DCAF6: variants seen among roughly 807,000 people sequenced by gnomAD.
DCAF6 encodes DDB1 and CUL4 associated factor 6.
DCAF6 carries 54 observed loss-of-function variants against 125.1 expected under a neutral mutation model. That is an observed-to-expected ratio of 0.43 (90% confidence interval 0.35 to 0.54). The LOEUF (loss-of-function observed/expected upper bound fraction) is 0.54, where lower values mean the gene tolerates loss of function less well. Among genes scored for constraint, DCAF6 ranks in the 20% least tolerant of loss-of-function variants. DCAF6 has a pLI of 0.01. For synonymous variants in DCAF6, 371 were observed against 390.4 expected (o/e 0.95, Z 0.58); for missense variants, 934 against 1,161.7 (o/e 0.80, Z 2.85).
intron 17 of DCAF6, among the ~76,000 whole-genome samples, chr1:168,061,034 CAT>C (rs1324850565): frequency 1.3e-5 from 2 of 152,180 alleles, no homozygotes; most frequent in Non-Finnish European, 2.9e-5. Context: ...TTGCTAATCA[CAT>C]GTTTGTAACT....
At chr1:167,874,654 G>T in the DCAF6 span, among the ~76,000 whole-genome samples, 20 of 152,250 alleles carry the variant, frequency 1.3e-4, no homozygotes, top group African/African-American at 4.6e-4. Context: ...TTCACCAAAA[G>T]ACTTGTGTAA....
intron 12 of DCAF6, among the ~76,000 whole-genome samples, chr1:168,030,254 A>AGG (rs1686899256): frequency 6.6e-6 from 1 of 152,222 alleles, no homozygotes; most frequent in East Asian, 1.9e-4. Context: ...AGGAAGAGAC[A>AGG]TTAAGCTGAG....
chr1:167,893,063 A>G, the DCAF6 span, among the ~76,000 whole-genome samples: 2 of 152,228 alleles, frequency 1.3e-5, no homozygotes, highest in Non-Finnish European at 2.9e-5. Flanking sequence ...TTCACATGGA[A>G]TAATAAATTT....
chr1:167,906,577 C>T, the DCAF6 span, among the ~76,000 whole-genome samples: 72 of 149,672 alleles, frequency 4.8e-4, no homozygotes, highest in Middle Eastern at 3.4e-3. Flanking sequence ...TGCTTGAGCC[C>T]GAGTTCGAGA....
the DCAF6 span, among the ~76,000 whole-genome samples, chr1:167,872,188 A>G: frequency 1.3e-5 from 2 of 152,062 alleles, no homozygotes; most frequent in Non-Finnish European, 2.9e-5. Context: ...AAAATACAAA[A>G]TTAGCCGGGC....
chr1:168,018,368 G>T (rs1401086923), intron 11 of DCAF6, among the ~76,000 whole-genome samples: 1 of 152,150 alleles, frequency 6.6e-6, no homozygotes, highest in Non-Finnish European at 1.5e-5. Flanking sequence ...TTAAACAGTG[G>T]TTTTTTATTT....
At chr1:168,066,533 A>G in intron 20 of DCAF6, 68 bp downstream of exon 20, 1 of 1,130,902 alleles carries the variant, frequency 8.8e-7, no homozygotes, top group African/African-American at 1.6e-5. Flanking sequence ...CCCTAAGAAA[A>G]ATTAAAAGTT....
chr1:167,896,567 A>G, the DCAF6 span: 1 of 1,559,232 alleles, frequency 6.4e-7, no homozygotes, highest in Non-Finnish European at 8.8e-7. Flanking sequence ...GGTAGAGGCA[A>G]AGGCATTTTT....
At chr1:167,997,443 G>A (rs908210695) in intron 7 of DCAF6, among the ~76,000 whole-genome samples, 1 of 152,136 alleles carries the variant, frequency 6.6e-6, no homozygotes, top group African/African-American at 2.4e-5. Context: ...ACGTCTTCCT[G>A]TGTAGATTTT....
the DCAF6 span, among the ~76,000 whole-genome samples, chr1:167,891,383 G>A: frequency 2.0e-5 from 3 of 151,828 alleles, no homozygotes; most frequent in Admixed American, 6.6e-5. Flanking sequence ...TGGGTCGGGC[G>A]CAGTGGCTCA....
At chr1:167,888,253 A>G in the DCAF6 span, among the ~76,000 whole-genome samples, 1 of 151,540 alleles carries the variant, frequency 6.6e-6, no homozygotes, top group South Asian at 2.1e-4. Flanking sequence ...AGCTTTGGCT[A>G]CTCTGGGTCT....
chr1:168,009,389 T>TCCTTTCTTTCTTTCTC (rs1259860523), intron 10 of DCAF6, among the ~76,000 whole-genome samples: 19 of 133,186 alleles, frequency 1.4e-4, no homozygotes, highest in African/African-American at 2.4e-4. Flanking sequence ...CTTCCTTCCT[T>TCCTTTCTTTCTTTCTC]TCTTTCTTTC....
chr1:168,005,991 C>T (rs1481302910), intron 10 of DCAF6, among the ~76,000 whole-genome samples: 1 of 152,002 alleles, frequency 6.6e-6, no homozygotes, highest in Non-Finnish European at 1.5e-5. Flanking sequence ...GTTTGTTTTT[C>T]AAAGCAGGTA....
At chr1:168,008,537 A>G (rs1047419683) in intron 10 of DCAF6, among the ~76,000 whole-genome samples, 1 of 152,140 alleles carries the variant, frequency 6.6e-6, no homozygotes, top group Non-Finnish European at 1.5e-5. Context: ...TTGTTCCATT[A>G]TAATGTATTC....
chr1:167,870,476 G>T, the DCAF6 span: 1 of 1,385,126 alleles, frequency 7.2e-7, no homozygotes, highest in Non-Finnish European at 1.0e-6. Context: ...GATATAAAAA[G>T]TCACATAGAA....
the DCAF6 span, among the ~76,000 whole-genome samples, chr1:167,891,908 A>C: frequency 6.6e-6 from 1 of 152,042 alleles, no homozygotes; most frequent in African/African-American, 2.4e-5. Flanking sequence ...GGTTTCATGT[A>C]ATTTTATTCT....
intron 10 of DCAF6, among the ~76,000 whole-genome samples, chr1:168,015,281 G>A (rs887735605): frequency 1.3e-5 from 2 of 152,160 alleles, no homozygotes; most frequent in Non-Finnish European, 2.9e-5. Flanking sequence ...ATATTTAGCT[G>A]AAGAATATAT....
chr1:168,050,586 A>G (rs1418912541), intron 16 of DCAF6, among the ~76,000 whole-genome samples: 1 of 152,166 alleles, frequency 6.6e-6, no homozygotes, highest in Non-Finnish European at 1.5e-5. Flanking sequence ...GGTATTCATT[A>G]TAAGCCAGTG....
chr1:167,962,431 CTT>C (rs1675755417), intron 2 of DCAF6, among the ~76,000 whole-genome samples: 2 of 152,006 alleles, frequency 1.3e-5, no homozygotes, highest in South Asian at 4.1e-4. Context: ...AAACTGACCT[CTT>C]TATCGTTATG....
Sources: allele counts gnomAD v4.1 joint callset (sites outside exome capture counted in the v4.1 genomes callset), GRCh38; gene constraint gnomAD v4.1.1; transcripts MANE v1.5; gene names NCBI Gene and HGNC (gene_info 2026-07-23, HGNC 2026-07-21).